Variants in NMT2 observed in about 807,000 individuals in gnomAD.
NMT2 encodes the protein glycylpeptide N-tetradecanoyltransferase 2.
Under a neutral mutation model 65.4 loss-of-function variants are expected in NMT2, and 35 were observed. The observed-to-expected ratio is 0.54, with a 90% CI of 0.41 to 0.71. The LOEUF is 0.71. Among genes scored for constraint, NMT2 ranks in the 30% least tolerant of loss-of-function variants. The pLI, the probability that NMT2 is intolerant of heterozygous loss-of-function variation, is 0.00. For synonymous variants in NMT2, 226 were observed against 231.8 expected (o/e 0.98, Z 0.23); for missense variants, 489 against 611.3 (o/e 0.80, Z 2.11).
chr10:15,134,999 A>G (rs1237743797), intron 3 of NMT2, among the ~76,000 whole-genome samples: 1 of 152,088 alleles, frequency 6.6e-6, no homozygotes, highest in Non-Finnish European at 1.5e-5. Context: ...AATAATAATA[A>G]TACTAGTAAT....
In NMT2 at chr10:15,123,034, G is replaced by A. The variant is rs1181254819; in HGVS notation, c.1000-3521C>T. On this transcript the variant is annotated intron_variant, in intron 8 of 11. Transcript: ENST00000378165. ...TGCTATCTTAGGTCTCTAAAGGTTAGAAAAATAAGTAGCAGAATTTAGACA... is the reference window on the plus strand; with the variant it reads ...TGCTATCTTAGGTCTCTAAAGGTTAAAAAAATAAGTAGCAGAATTTAGACA... 2.6e-5 allele frequency among the ~76,000 whole-genome samples: 4 copies of A among 152,210 alleles called. No individual in the cohort carries two copies. In the South Asian group the frequency reaches 6.2e-4, roughly 24 times the overall value.
At chr10:15,155,101 C>T (rs1832947870) in intron 1 of NMT2, 7 of 1,440,770 alleles carry the variant, frequency 4.9e-6, no homozygotes, top group Non-Finnish European at 5.8e-6. Flanking sequence ...ACAGACTTGC[C>T]ACCAGTGCCA....
chr10:15,149,447 G>GTCATCACCATGATCACCA (rs1847086139), intron 1 of NMT2, among the ~76,000 whole-genome samples: 1 of 106 alleles, frequency 9.4e-3, no homozygotes, highest in Non-Finnish European at 0.016. Context: ...CATCACCACC[G>GTCATCACCATGATCACCA]CCATCATCAC....
Position 15,135,271 on chromosome 10 carries a change from T to C in NMT2, c.391+3A>G, listed in dbSNP as rs1482807656. 1.2e-6 allele frequency: 2 copies of C among 1,613,688 alleles called. No individual in the cohort carries two copies. Among genetic ancestry groups the C allele is most frequent in the Non-Finnish European group, 1.7e-6 (2 of 1,179,956 alleles). On this transcript the variant is annotated splice_donor_region_variant and intron_variant, in intron 3 of 11. Coordinates refer to ENST00000378165, the MANE Select transcript of NMT2 (RefSeq NM_004808.3). Reference sequence around the variant, plus strand: ...AAAAAAAGAGAAAAGCAGAAAAACTTACCTAGTTTTGGTACCGGTTGTGTG... The same window carrying C: ...AAAAAAAGAGAAAAGCAGAAAAACTCACCTAGTTTTGGTACCGGTTGTGTG...
rs1845281989 is a variant in NMT2 at position 15,105,830 on chromosome 10, G to A, written c.*3365C>T. On this transcript the variant is annotated 3_prime_UTR_variant, in exon 12 of 12. Transcript: ENST00000378165. ...AGCAAGCAGTTTAATTCTCGAAAAT[G>A]TTAATTAGTAATCTGCTTCAATTAT... is the stretch of plus-strand genomic sequence containing the variant. Among the ~76,000 whole-genome samples, 1 of 152,136 alleles carries A rather than the reference G, an allele frequency of 6.6e-6. No homozygotes were observed. Among genetic ancestry groups the A allele is most frequent in the South Asian group, 2.1e-4 (1 of 4,828 alleles).
intron 1 of NMT2, among the ~76,000 whole-genome samples, chr10:15,152,172 A>T (rs367753306): frequency 1.3e-5 from 2 of 152,224 alleles, no homozygotes; most frequent in East Asian, 3.8e-4. Context: ...TCTATGAGCA[A>T]AGTCAAAGGT....
chr10:15,134,207 C>G (rs1846389610), intron 3 of NMT2, among the ~76,000 whole-genome samples: 1 of 152,198 alleles, frequency 6.6e-6, no homozygotes, highest in South Asian at 2.1e-4. Context: ...GTGATTTCCA[C>G]CAAGAAGAGT....
chr10:15,153,631 A>T (rs1377406819), intron 1 of NMT2, among the ~76,000 whole-genome samples: 1 of 152,014 alleles, frequency 6.6e-6, no homozygotes, highest in Non-Finnish European at 1.5e-5. Context: ...CTACACACAG[A>T]TGTTTTGTTT....
intron 1 of NMT2, among the ~76,000 whole-genome samples, chr10:15,156,421 C>T (rs1248511448): frequency 6.6e-6 from 1 of 152,164 alleles, no homozygotes; most frequent in Non-Finnish European, 1.5e-5. Context: ...TCAATTAAAC[C>T]TCTTCCTTTA....
At chr10:15,135,190 GTTTT>G (rs145707170) in intron 3 of NMT2, 80 bp downstream of exon 3, 1,538 of 1,235,932 alleles carry the variant, frequency 1.2e-3, no homozygotes, top group Non-Finnish European at 1.6e-3. Flanking sequence ...CACTCTTTGT[GTTTT>G]GTTGTTGTTG....
chr10:15,117,972 A>T (rs1360352854), intron 9 of NMT2, among the ~76,000 whole-genome samples: 1 of 152,224 alleles, frequency 6.6e-6, no homozygotes, highest in East Asian at 1.9e-4. Flanking sequence ...TGTAATCCCT[A>T]TCAAACTACC....
At chr10:15,155,970 C>A (rs1190606653) in intron 1 of NMT2, among the ~76,000 whole-genome samples, 2 of 152,094 alleles carry the variant, frequency 1.3e-5, no homozygotes, top group Non-Finnish European at 2.9e-5. Context: ...GGTGGGATGG[C>A]CCCAGATTTC....
At chr10:15,133,623 G>C (rs1846367524) in intron 3 of NMT2, among the ~76,000 whole-genome samples, 1 of 152,122 alleles carries the variant, frequency 6.6e-6, no homozygotes, top group Non-Finnish European at 1.5e-5. Context: ...GTCTCACTCT[G>C]TCGCCAAGGC....
rs369087583 is a variant in NMT2 at position 15,165,532 on chromosome 10, GAA to G, written c.110+2969_110+2970del. 9.1e-4 allele frequency among the ~76,000 whole-genome samples: 138 copies of G among 152,250 alleles called. 2 individuals are homozygous for G. Among genetic ancestry groups the G allele is most frequent in the African/African-American group, 3.2e-3 (132 of 41,544 alleles). On this transcript the variant is annotated intron_variant, in intron 1 of 11. Coordinates refer to ENST00000378165, the MANE Select transcript of NMT2 (RefSeq NM_004808.3). ...TTCCCCCATGTTTTTTGTAATTCAT[GAA>G]AGTTTTATAGTGGTTTGCCACTTCC...
At chr10:15,146,788 C>T (rs1846979765) in intron 1 of NMT2, among the ~76,000 whole-genome samples, 1 of 152,112 alleles carries the variant, frequency 6.6e-6, no homozygotes, top group Non-Finnish European at 1.5e-5. Context: ...ACAACTAACA[C>T]ATCAATCTTA....
At chr10:15,153,874 C>T (rs991696991) in intron 1 of NMT2, among the ~76,000 whole-genome samples, 4 of 151,984 alleles carry the variant, frequency 2.6e-5, no homozygotes, top group Non-Finnish European at 5.9e-5. Flanking sequence ...AGGATGGTCT[C>T]GATCTCCTGA....
intron 8 of NMT2, among the ~76,000 whole-genome samples, chr10:15,121,220 TCTA>T (rs1845919584): frequency 6.6e-6 from 1 of 152,228 alleles, no homozygotes; most frequent in Non-Finnish European, 1.5e-5. Flanking sequence ...ATATTGCTAC[TCTA>T]CTTTTTCTGC....
intron 1 of NMT2, among the ~76,000 whole-genome samples, chr10:15,156,994 C>T (rs538806872): frequency 3.9e-5 from 6 of 152,164 alleles, no homozygotes; most frequent in Admixed American, 3.9e-4. Flanking sequence ...CTTCAGTTTT[C>T]TTAAAATGTT....
intron 1 of NMT2, among the ~76,000 whole-genome samples, chr10:15,142,274 G>C (rs914448323): frequency 6.6e-6 from 1 of 152,148 alleles, no homozygotes; most frequent in Non-Finnish European, 1.5e-5. Flanking sequence ...AACTAAGCAC[G>C]CTGTTGGGCA....
Sources: allele counts gnomAD v4.1 joint callset (sites outside exome capture counted in the v4.1 genomes callset), GRCh38; gene constraint gnomAD v4.1.1; transcripts MANE v1.5; gene names NCBI Gene and HGNC (gene_info 2026-07-23, HGNC 2026-07-21).